Variants in AXDND1 observed in about 807,000 individuals in gnomAD.
AXDND1 encodes the protein axonemal dynein light chain domain-containing protein 1.
AXDND1 carries 110 observed loss-of-function variants against 137.5 expected under a neutral mutation model. The observed-to-expected ratio is 0.80, with a 90% CI of 0.69 to 0.94. AXDND1 has a LOEUF of 0.94. Among genes scored for constraint, AXDND1 ranks in the 40% least tolerant of loss-of-function variants. AXDND1 has a pLI of 0.00. For synonymous variants in AXDND1, 414 were observed against 399.7 expected (o/e 1.04, Z -0.43); for missense variants, 1,191 against 1,169.8 (o/e 1.02, Z -0.26).
At position 179,368,877 on chromosome 1, in the gene AXDND1, A is replaced by G; in HGVS notation, c.175A>G (p.Ile59Val). 1 of 1,613,826 alleles carries G rather than the reference A, an allele frequency of 6.2e-7. No individual in the cohort carries two copies. Among genetic ancestry groups the G allele is most frequent in the Non-Finnish European group, 8.5e-7 (1 of 1,179,708 alleles). The part of the protein sequence containing the change: ...LLPTSLQNEF[I>V]PKEVLLSLTY... ...TCCTACTTCCCTTCAGAATGAGTTC[A>G]TTCCCAAAGAAGTTCTTCTTTCTCT... Residue 59 changes from isoleucine to valine, a missense_variant, in exon 3 of 26, where the codon ATT becomes GTT. By Grantham distance (29) the Ile-to-Val change is conservative. Coordinates refer to ENST00000367618, the MANE Select transcript of AXDND1 (RefSeq NM_144696.6).
At chr1:179,465,789 C>T (rs753015199) in intron 16 of AXDND1, among the ~76,000 whole-genome samples, 14 of 152,212 alleles carry the variant, frequency 9.2e-5, no homozygotes, top group Non-Finnish European at 1.6e-4. Context: ...CCTTCCTGGC[C>T]GCTTTGTTTA....
At chr1:179,370,103 G>C (rs1667892988) in intron 4 of AXDND1, 25 bp downstream of exon 4, 1 of 1,550,692 alleles carries the variant, frequency 6.4e-7, no homozygotes, top group East Asian at 2.2e-5. Context: ...TAGTAGGATA[G>C]ATGCTGATAA....
intron 16 of AXDND1, among the ~76,000 whole-genome samples, chr1:179,460,408 T>C (rs897643778): frequency 3.3e-5 from 5 of 152,350 alleles, no homozygotes; most frequent in Admixed American, 3.3e-4. Flanking sequence ...TAGTATTCCA[T>C]GGTGTATATA....
In AXDND1 at chr1:179,366,602, A is replaced by G; in HGVS notation, c.93A>G (p.Thr31=). 6.2e-7 allele frequency: 1 copy of G among 1,607,424 alleles called. No homozygotes were observed. The highest frequency in any genetic ancestry group is 8.5e-7 in the Non-Finnish European group (1 of 1,173,958). The part of the protein sequence containing the change: ...KLKVSVAKEG[T]RGLPELKEKK... ...AAGTGTCTGTAGCCAAGGAAGGGAC[A>G]AGAGGTAAACTTCGTTGATTCTGAA... The change falls in exon 2 of 26, where the codon ACA becomes ACG. Residue 31 remains threonine, a synonymous_variant. Transcript: ENST00000367618.
chr1:179,551,913 C>T (rs149303472), intron 25 of AXDND1: 47 of 192,822 alleles, frequency 2.4e-4, no homozygotes, highest in African/African-American at 9.4e-4. Flanking sequence ...CTAGAAGCAA[C>T]TGCCCTGGGG....
At chr1:179,384,693 G>T (rs1442226320) in intron 8 of AXDND1, among the ~76,000 whole-genome samples, 4 of 151,750 alleles carry the variant, frequency 2.6e-5, no homozygotes, top group African/African-American at 9.7e-5. Context: ...TTAGATTGGG[G>T]TTTTTTATTT....
chr1:179,534,632 A>G lies in AXDND1; in HGVS notation c.2799-98A>G, dbSNP rs1358663553. On this transcript the variant is annotated intron_variant, in intron 24 of 25. Coordinates refer to ENST00000367618, the MANE Select transcript of AXDND1 (RefSeq NM_144696.6). Reference sequence around the variant, plus strand: ...TCCCTTATTTCTACCCTTCAGACACATTCATCTAATCTCACTGCCTTTTTA... The same window carrying G: ...TCCCTTATTTCTACCCTTCAGACACGTTCATCTAATCTCACTGCCTTTTTA... 7 of 1,440,672 alleles carry G rather than the reference A, an allele frequency of 4.9e-6. No individual in the cohort carries two copies. In the East Asian group the frequency reaches 9.6e-5, roughly 20 times the overall value. 89.2% of individuals were successfully genotyped at this position (1,440,672 alleles called of 1,614,324 possible). A position where few individuals can be genotyped will look rare whatever the true frequency, so the allele number is the denominator to read the frequency against.
At chr1:179,549,648 C>T (rs1255738973) in intron 25 of AXDND1, among the ~76,000 whole-genome samples, 1 of 152,090 alleles carries the variant, frequency 6.6e-6, no homozygotes, top group Non-Finnish European at 1.5e-5. Context: ...CCTTCTTCTT[C>T]ATTACACATG....
intron 16 of AXDND1, chr1:179,456,640 C>T (rs77271498): frequency 2.0e-5 from 17 of 850,530 alleles, no homozygotes; most frequent in Non-Finnish European, 3.0e-5. Flanking sequence ...TATCCATCAC[C>T]ACCACAGCTG....
intron 25 of AXDND1, among the ~76,000 whole-genome samples, chr1:179,546,895 T>A (rs1313337962): frequency 6.6e-6 from 1 of 152,212 alleles, no homozygotes; most frequent in Non-Finnish European, 1.5e-5. Flanking sequence ...CTCTCACAAT[T>A]GGTCTCACTG....
chr1:179,416,924 G>A (rs919201589), intron 12 of AXDND1, among the ~76,000 whole-genome samples: 2 of 152,058 alleles, frequency 1.3e-5, no homozygotes, highest in Non-Finnish European at 2.9e-5. Context: ...CAGCTCCTTC[G>A]GCATTTGGAA....
At chr1:179,471,981 G>A (rs1392595435) in intron 17 of AXDND1, among the ~76,000 whole-genome samples, 2 of 150,966 alleles carry the variant, frequency 1.3e-5, no homozygotes, top group Admixed American at 6.6e-5. Context: ...TGCAACCTCC[G>A]CCTCCCAGAT....
chr1:179,385,850 G>T (rs1320976763), intron 9 of AXDND1, among the ~76,000 whole-genome samples: 1 of 152,152 alleles, frequency 6.6e-6, no homozygotes, highest in Non-Finnish European at 1.5e-5. Flanking sequence ...TGGTTGTTTG[G>T]TACCTGGCCT....
At chr1:179,422,045 G>A (rs143794806) in intron 12 of AXDND1, among the ~76,000 whole-genome samples, 699 of 129,454 alleles carry the variant, frequency 5.4e-3, no homozygotes, top group Middle Eastern at 0.016. Flanking sequence ...CATCTCAAAA[G>A]AAAAAAAAAA....
At chr1:179,502,154 T>C (rs1668059014) in intron 20 of AXDND1, among the ~76,000 whole-genome samples, 1 of 152,208 alleles carries the variant, frequency 6.6e-6, no homozygotes, top group South Asian at 2.1e-4. Context: ...CCTGAATGTA[T>C]ACCTCACCAA....
At position 179,427,953 on chromosome 1, in the gene AXDND1, T is replaced by TAA. The variant is rs10548259; in HGVS notation, c.1231-1549_1231-1548dup. Among the ~76,000 whole-genome samples the TAA allele has an allele frequency of 2.2e-3, 319 of 144,132 alleles. 3 individuals are homozygous for TAA. Among genetic ancestry groups the TAA allele is most frequent in the East Asian group, 0.016 (76 of 4,868 alleles). The allele number at this position is 144,132 out of a possible 152,430, so 94.6% of individuals were successfully genotyped here. A position where few individuals can be genotyped will look rare whatever the true frequency, so the allele number is the denominator to read the frequency against. ...AGACCCAATGTAAGAGCAATCCATGTAAAAAAAAAAAAAAAAAGATTTGTG... is the reference window on the plus strand; with the variant it reads ...AGACCCAATGTAAGAGCAATCCATGTAAAAAAAAAAAAAAAAAAAGATTTGTG... On this transcript the variant is annotated intron_variant, in intron 12 of 25. Coordinates refer to ENST00000367618, the MANE Select transcript of AXDND1 (RefSeq NM_144696.6).
At chr1:179,447,539 C>T in intron 16 of AXDND1, 1 of 681,294 alleles carries the variant, frequency 1.5e-6, no homozygotes, top group Non-Finnish European at 2.3e-6. Flanking sequence ...AAGGAAGCTA[C>T]AGGCTATGTA....
rs199506378 is a variant in AXDND1, at chr1:179,551,435, G to A, written c.3032-3077G>A. 2.5e-6 allele frequency: 4 copies of A among 1,613,320 alleles called. No homozygotes were observed. The African/African-American group carries it at 4.0e-5, about 16-fold the overall frequency. On this transcript the variant is annotated intron_variant, in intron 25 of 25. Transcript: ENST00000367618. ...CAGGGACTCAGAAGCAGCCTTTTCC[G>A]CTTCTGCAGCAATCATCTAGAAAAC...
At chr1:179,488,639 CTTTCTTTCTT>C (rs1558256538) in intron 18 of AXDND1, among the ~76,000 whole-genome samples, 3,613 of 50,328 alleles carry the variant, frequency 0.072, 312 homozygotes, top group South Asian at 0.15. Context: ...TCTCTCCTTT[CTTTCTTTCTT>C]TCTTTCTTTC....
Sources: gnomAD v4.1 joint callset for allele counts (sites outside exome capture counted in the v4.1 genomes callset) on GRCh38, gnomAD v4.1.1 for gene constraint, MANE v1.5 for transcripts, NCBI Gene and HGNC (gene_info 2026-07-23, HGNC 2026-07-21) for gene names.